The following NCK1 variants were observed in gnomAD, a reference collection of about 807,000 sequenced individuals.
The protein encoded by NCK1 is NCK adaptor protein 1, also known as SH2/SH3 adapter protein NCK1.
A neutral mutation model predicts 36.6 loss-of-function variants in NCK1; 19 were observed. That is an observed-to-expected ratio of 0.52 (90% CI 0.36 to 0.76). NCK1 has a LOEUF of 0.76. NCK1 is among the 30% of genes least tolerant of loss of function. NCK1 has a pLI of 0.00. For synonymous variants in NCK1, 165 were observed against 156.0 expected (o/e 1.06, Z -0.43); for missense variants, 358 against 445.6 (o/e 0.80, Z 1.77).
Position 136,908,753 on chromosome 3 carries a change from A to G in NCK1, c.-18-19231A>G, listed in dbSNP as rs538701706. ...AGCTCTTAGGAAGAAGAGAAAAGAT[A>G]TTAAAAGTAGACAGCTAATGGTTTC... On this transcript the variant is annotated intron_variant, in intron 1 of 3. Coordinates refer to ENST00000481752, the MANE Select transcript of NCK1 (RefSeq NM_001291999.2). 2.6e-5 allele frequency among the ~76,000 whole-genome samples: 4 copies of G among 152,364 alleles called. No individual in the cohort carries two copies. The East Asian group carries it at 7.7e-4, about 29-fold the overall frequency.
At position 136,899,878 on chromosome 3, in the gene NCK1, T is replaced by A. The variant is rs188781181; in HGVS notation, c.-18-28106T>A. ...TCATCTAAAGCCATCCTTTTTTTTT[T>A]AGGGGTTTTCTCTTCTAGTGGGATT... On this transcript the variant is annotated intron_variant, in intron 1 of 3. Coordinates refer to ENST00000481752, the MANE Select transcript of NCK1 (RefSeq NM_001291999.2). 6.5e-4 allele frequency: 755 copies of A among 1,152,946 alleles called. 3 individuals are homozygous for A. In the African/African-American group the frequency reaches 8.3e-3, roughly 13 times the overall value. The allele number at this position is 1,152,946 out of a possible 1,614,324, so 71.4% of individuals were successfully genotyped here. A position where few individuals can be genotyped will look rare whatever the true frequency, so the allele number is the denominator to read the frequency against.
At chr3:136,874,460 G>A (rs545495727) in intron 1 of NCK1, among the ~76,000 whole-genome samples, 3 of 152,288 alleles carry the variant, frequency 2.0e-5, no homozygotes, top group East Asian at 3.9e-4. Context: ...GATTACAGGC[G>A]TGAGCCACCA....
chr3:136,882,870 C>T (rs1938980980), intron 1 of NCK1, among the ~76,000 whole-genome samples: 1 of 152,158 alleles, frequency 6.6e-6, no homozygotes, highest in Admixed American at 6.5e-5. Context: ...TGAATACTAG[C>T]AGTCTCTTTC....
chr3:136,862,486 C>T (rs1938252068), intron 1 of NCK1, 133 bp downstream of exon 1: 1 of 152,476 alleles, frequency 6.6e-6, no homozygotes, highest in Non-Finnish European at 1.5e-5. Context: ...CGTCTGCAGG[C>T]TCGGAGCCGA....
intron 1 of NCK1, 43 bp from the exon 2 acceptor site, chr3:136,927,941 A>T (rs1418279561): frequency 7.4e-7 from 1 of 1,350,202 alleles, no homozygotes; most frequent in Non-Finnish European, 1.0e-6. Flanking sequence ...GTGAACTAAT[A>T]CTACCTCAAC....
chr3:136,905,214 G>T (rs1247504707), intron 1 of NCK1, among the ~76,000 whole-genome samples: 6 of 151,674 alleles, frequency 4.0e-5, no homozygotes, highest in African/African-American at 1.5e-4. Flanking sequence ...CAGAGACAGG[G>T]TTTCACTGTG....
intron 1 of NCK1, among the ~76,000 whole-genome samples, chr3:136,906,413 G>C (rs181561779): frequency 1.3e-5 from 2 of 152,260 alleles, no homozygotes; most frequent in East Asian, 3.9e-4. Flanking sequence ...CCTGGCCTGT[G>C]ATAAGGTTTT....
At chr3:136,870,634 C>A (rs1464933055) in intron 1 of NCK1, among the ~76,000 whole-genome samples, 2 of 150,174 alleles carry the variant, frequency 1.3e-5, no homozygotes, top group African/African-American at 4.9e-5. Context: ...AATTCTGCTG[C>A]CCAAGGAAAT....
chr3:136,914,253 G>A (rs1199784446), intron 1 of NCK1, among the ~76,000 whole-genome samples: 2 of 152,214 alleles, frequency 1.3e-5, no homozygotes, highest in Non-Finnish European at 2.9e-5. Context: ...TTGCCCGAAA[G>A]CTGTGGAACA....
Position 136,928,205 on chromosome 3 carries a change from G to T in NCK1, c.204G>T (p.Val68=). The part of the protein sequence containing the change: ...RKNSARKASI[V]KNLKDTLGIG... ...ACAGTGCTCGGAAAGCATCTATTGTGAAAAACCTAAAGGATACCTTAGGTA... is the reference window on the plus strand; with the variant it reads ...ACAGTGCTCGGAAAGCATCTATTGTTAAAAACCTAAAGGATACCTTAGGTA... Residue 68 remains valine, a synonymous_variant, in exon 2 of 4, where the codon GTG becomes GTT. Coordinates refer to ENST00000481752, the MANE Select transcript of NCK1 (RefSeq NM_001291999.2). 1.2e-6 allele frequency: 2 copies of T among 1,612,500 alleles called. No homozygotes were observed. The highest frequency in any genetic ancestry group is 8.5e-7 in the Non-Finnish European group (1 of 1,179,628).
chr3:136,910,559 T>C (rs1166585578), intron 1 of NCK1, among the ~76,000 whole-genome samples: 1 of 152,224 alleles, frequency 6.6e-6, no homozygotes, highest in African/African-American at 2.4e-5. Context: ...ACTTTTACTT[T>C]ATATAGCTTC....
At chr3:136,870,135 A>C (rs776341183) in intron 1 of NCK1, among the ~76,000 whole-genome samples, 1 of 147,922 alleles carries the variant, frequency 6.8e-6, no homozygotes, top group Non-Finnish European at 1.5e-5. Context: ...TGAGGTCAGG[A>C]GTTCGAGACC....
intron 1 of NCK1, among the ~76,000 whole-genome samples, chr3:136,905,036 G>A (rs532840466): frequency 1.3e-3 from 181 of 141,738 alleles, no homozygotes; most frequent in South Asian, 7.9e-3. Flanking sequence ...TTTTTGAGAT[G>A]GAGTCTCGCT....
At chr3:136,930,524 G>A (rs1334435354) in intron 2 of NCK1, 14 of 1,434,648 alleles carry the variant, frequency 9.8e-6, no homozygotes, top group Admixed American at 2.5e-5. Flanking sequence ...CCTGAGCTGT[G>A]TTAACAAACT....
rs1434865969 is a variant in NCK1 at position 136,886,794 on chromosome 3, T to C, written c.-19+24441T>C. Among the ~76,000 whole-genome samples, 4 of 151,308 alleles carry C rather than the reference T, an allele frequency of 2.6e-5. No homozygotes were observed. In the East Asian group the frequency reaches 7.8e-4, roughly 29 times the overall value. ...GAGTTACTTAGGCAGAGTTTGGAAC[T>C]GTCCTGTAGTTACATGATCAGTCTT... is the stretch of plus-strand genomic sequence containing the variant. On this transcript the variant is annotated intron_variant, in intron 1 of 3. Transcript: ENST00000481752.
chr3:136,938,374 G>C (rs1234608760), intron 2 of NCK1, among the ~76,000 whole-genome samples: 3 of 152,156 alleles, frequency 2.0e-5, no homozygotes, highest in African/African-American at 7.2e-5. Context: ...TAAGCCCAAA[G>C]TTGATAATTG....
chr3:136,873,945 C>G (rs1420486480), intron 1 of NCK1, among the ~76,000 whole-genome samples: 1 of 152,146 alleles, frequency 6.6e-6, no homozygotes, highest in Non-Finnish European at 1.5e-5. Context: ...TGAAAGTGGA[C>G]TAATACAGTA....
intron 1 of NCK1, among the ~76,000 whole-genome samples, chr3:136,913,638 C>T (rs529196327): frequency 1.3e-5 from 2 of 152,082 alleles, no homozygotes; most frequent in Admixed American, 1.3e-4. Flanking sequence ...TGGACATGCA[C>T]AGTGATTTTC....
chr3:136,945,518 A>G, intron 2 of NCK1, 65 bp from the exon 3 acceptor site: 1 of 1,144,066 alleles, frequency 8.7e-7, no homozygotes, highest in South Asian at 1.6e-5. Flanking sequence ...AATAATGAAT[A>G]AGTTCATTCT....
Sources: gnomAD v4.1 joint callset for allele counts (sites outside exome capture counted in the v4.1 genomes callset) on GRCh38, gnomAD v4.1.1 for gene constraint, MANE v1.5 for transcripts, NCBI Gene and HGNC (gene_info 2026-07-23, HGNC 2026-07-21) for gene names.